The following ASB2 variants were observed in gnomAD, a reference collection of about 807,000 sequenced individuals.
ASB2 encodes ankyrin repeat and SOCS box containing 2.
A neutral mutation model predicts 62.4 loss-of-function variants in ASB2; 58 were observed. The ratio of observed to expected loss-of-function variants is 0.93; its 90% CI spans 0.75 to 1.16. The LOEUF (loss-of-function observed/expected upper bound fraction) is 1.16. ASB2 is among the 50% of genes most tolerant of loss of function. The pLI is 0.00. For synonymous variants in ASB2, 386 were observed against 385.3 expected, an observed-to-expected ratio of 1.00 and a Z score of -0.02; for missense variants, 928 against 887.9, an observed-to-expected ratio of 1.05 and a Z score of -0.57.
At chr14:93,938,998 C>A (rs1292440762) in intron 8 of ASB2, 110 bp downstream of exon 8, 1 of 991,932 alleles carries the variant, frequency 1.0e-6, no homozygotes, top group Non-Finnish European at 1.4e-6. Flanking sequence ...CTAGTCCACG[C>A]TGCTCCCAAG....
chr14:93,971,614 C>G (rs967305640), intron 1 of ASB2, among the ~76,000 whole-genome samples: 4 of 152,198 alleles, frequency 2.6e-5, no homozygotes, highest in Non-Finnish European at 5.9e-5. Context: ...CAGGTCACTA[C>G]GTCCCACTGC....
intron 6 of ASB2, 93 bp downstream of exon 6, chr14:93,950,906 A>T (rs904197327): frequency 7.2e-7 from 1 of 1,379,892 alleles, no homozygotes; most frequent in East Asian, 2.3e-5. Flanking sequence ...GCACAAGATG[A>T]CCCCTAACTC....
intron 3 of ASB2, 96 bp downstream of exon 3, chr14:93,956,670 C>T (rs1889220821): frequency 2.6e-6 from 4 of 1,538,488 alleles, no homozygotes; most frequent in South Asian, 2.2e-5. Flanking sequence ...TGCCCTCTGC[C>T]CTCCTGGGGG....
At chr14:93,975,359 C>G (rs549447262) in intron 1 of ASB2, among the ~76,000 whole-genome samples, 12 of 152,166 alleles carry the variant, frequency 7.9e-5, no homozygotes, top group African/African-American at 2.9e-4. Context: ...GAAGAGCCAC[C>G]GAAGCCAAAT....
chr14:93,968,705 G>C (rs886719274), intron 1 of ASB2, among the ~76,000 whole-genome samples: 6 of 152,322 alleles, frequency 3.9e-5, no homozygotes, highest in African/African-American at 1.4e-4. Context: ...GTTTAACCTT[G>C]ACAGGACCTT....
intron 9 of ASB2, among the ~76,000 whole-genome samples, chr14:93,936,760 AGTG>A (rs1339035435): frequency 6.6e-6 from 1 of 152,210 alleles, no homozygotes; most frequent in East Asian, 1.9e-4. Flanking sequence ...CAGGAGCAGT[AGTG>A]GTGGAATGAC....
At chr14:93,970,243 G>T (rs936311015) in intron 1 of ASB2, among the ~76,000 whole-genome samples, 2 of 152,204 alleles carry the variant, frequency 1.3e-5, no homozygotes, top group South Asian at 2.1e-4. Flanking sequence ...CAAGAAGGAG[G>T]CTGGCAGCCA....
intron 3 of ASB2, 34 bp downstream of exon 3, chr14:93,956,732 T>C: frequency 1.9e-6 from 3 of 1,612,524 alleles, no homozygotes; most frequent in Non-Finnish European, 2.5e-6. Context: ...GGAGTGAACT[T>C]GGATGGTCCT....
intron 6 of ASB2, 96 bp from the exon 7 acceptor site, chr14:93,947,616 A>C: frequency 8.3e-7 from 1 of 1,209,518 alleles, no homozygotes; most frequent in Non-Finnish European, 1.2e-6. Flanking sequence ...TGTGCTAACC[A>C]CGGTAATGCA....
In ASB2 at chr14:93,955,100, C is replaced by G. The variant is rs1471392325; in HGVS notation, c.312-617G>C. The stretch of plus-strand genomic sequence containing the variant: ...TTCCTTCCTTCATTCATTCACTGAG[C>G]TCCCTACCTCATCCTTGGAGAGTCC... On this transcript the variant is annotated intron_variant, in intron 3 of 9. Coordinates refer to ENST00000555019, the MANE Select transcript of ASB2 (RefSeq NM_001202429.2). 4 of 456,658 alleles carry G rather than the reference C, an allele frequency of 8.8e-6. No homozygotes were observed. The East Asian group carries it at 2.8e-4, about 32-fold the overall frequency. 28.3% of individuals were successfully genotyped at this position (456,658 alleles called of 1,614,324 possible). A position where few individuals can be genotyped will look rare whatever the true frequency, so the allele number is the denominator to read the frequency against.
chr14:93,957,681 C>G (rs1889274821), intron 2 of ASB2, among the ~76,000 whole-genome samples: 1 of 152,152 alleles, frequency 6.6e-6, no homozygotes, highest in South Asian at 2.1e-4. Flanking sequence ...CATGTACTCA[C>G]TCTTCATTTT....
chr14:93,948,804 C>T (rs1413227313), intron 6 of ASB2, among the ~76,000 whole-genome samples: 1 of 152,166 alleles, frequency 6.6e-6, no homozygotes, highest in Non-Finnish European at 1.5e-5. Flanking sequence ...GGCATGGTGG[C>T]ACATGCCTGT....
In ASB2 at chr14:93,939,131, C is replaced by T. The variant is rs750618389; in HGVS notation, c.1594G>A (p.Asp532Asn). Residue 532 changes from aspartate (D) to asparagine (N), a missense_variant, in exon 8 of 10, where the codon GAC becomes AAC. Coordinates refer to ENST00000555019, the MANE Select transcript of ASB2 (RefSeq NM_001202429.2). ...SSRFNDAPAA[D>N]KEPSVVQFCE... The stretch of plus-strand genomic sequence containing the variant: ...ACCTGCACCACGCTGGGCTCCTTGT[C>T]GGCCGCGGGCGCGTCGTTGAACCTG... 2 of 1,535,218 alleles carry T rather than the reference C, an allele frequency of 1.3e-6. No individual in the cohort carries two copies. The highest frequency in any genetic ancestry group is 2.4e-5 in the East Asian group (1 of 42,220).
chr14:93,941,763 G>A (rs1162732814), intron 7 of ASB2: 4 of 447,008 alleles, frequency 8.9e-6, no homozygotes, highest in African/African-American at 2.0e-5. Flanking sequence ...GCTGGTCTCC[G>A]GCAGTTCTCC....
chr14:93,934,680 G>T lies in ASB2; in HGVS notation c.1884C>A (p.Tyr628Ter). 6.2e-7 allele frequency: 1 copy of T among 1,614,150 alleles called. No homozygotes were observed. Among genetic ancestry groups the T allele is most frequent in the African/African-American group, 1.3e-5 (1 of 75,046 alleles). The change falls in exon 10 of 10, where the codon TAC (tyrosine) becomes TAA (stop). Residue 628 changes from tyrosine (Y) to a stop codon, truncating the protein, a stop_gained. Coordinates refer to ENST00000555019, the MANE Select transcript of ASB2 (RefSeq NM_001202429.2). LOFTEE classifies it high-confidence loss of function. The stretch of plus-strand genomic sequence containing the variant: ...GTTACTGGGTGTTCTCGTATTTCAG[G>T]TATCTAATCAGCCTGCCTGGGAGCG... ...TLPLPGRLIR[Y>*]LKYENTQ
At position 93,951,133 on chromosome 14, in the gene ASB2, T is replaced by C. The variant is rs77273556; in HGVS notation, c.746A>G (p.Asn249Ser). 1.3e-3 allele frequency: 2,162 copies of C among 1,614,216 alleles called. 32 individuals carry two copies. The African/African-American group carries it at 0.026, about 19-fold the overall frequency. ...WTALHESVSR[N>S]DLEVMQILVS... ...CAGGATCTGCATGACCTCCAGGTCATTGCGAGACACAGACTCGTGCAGAGC... is the reference window on the plus strand; with the variant it reads ...CAGGATCTGCATGACCTCCAGGTCACTGCGAGACACAGACTCGTGCAGAGC... Residue 249 changes from asparagine (N) to serine (S), a missense_variant, in exon 6 of 10, where the codon AAT becomes AGT. By Grantham distance (46) the Asn-to-Ser change is conservative (BLOSUM62 1). Coordinates refer to ENST00000555019, the MANE Select transcript of ASB2 (RefSeq NM_001202429.2).
rs1337923907 is a variant in ASB2 at position 93,968,624 on chromosome 14, A to G, written c.-73-4012T>C. Among the ~76,000 whole-genome samples, 5 of 152,160 alleles carry G rather than the reference A, an allele frequency of 3.3e-5. No individual in the cohort carries two copies. The South Asian group carries it at 6.2e-4, about 19-fold the overall frequency. ...AGCTGCCCAGCACCCCCTGGCCTATATCTGTGCCCTGGGCACCATACCAGC... is the reference window on the plus strand; with the variant it reads ...AGCTGCCCAGCACCCCCTGGCCTATGTCTGTGCCCTGGGCACCATACCAGC... On this transcript the variant is annotated intron_variant, in intron 1 of 9. Transcript: ENST00000555019.
intron 1 of ASB2, among the ~76,000 whole-genome samples, chr14:93,971,916 G>A (rs1595337539): frequency 1.3e-5 from 2 of 151,348 alleles, no homozygotes; most frequent in East Asian, 3.9e-4. Context: ...GTGTGTGTAT[G>A]TGTGTTCATA....
In ASB2 at chr14:93,939,154, C is replaced by T; in HGVS notation, c.1571G>A (p.Arg524Lys). ...GTCGGCCGCGGGCGCGTCGTTGAAC[C>T]TGCTGGAGGGCTGCGGGGCCGGCGG... ...PHPPAPQPSS[R>K]FNDAPAADKE... The change falls in exon 8 of 10, where the codon AGG (arginine) becomes AAG (lysine). Residue 524 changes from arginine (R) to lysine (K), a missense_variant. Physicochemically the swap from Arg to Lys is conservative, Grantham distance 26 (BLOSUM62 2). Coordinates refer to ENST00000555019, the MANE Select transcript of ASB2 (RefSeq NM_001202429.2). The T allele has an allele frequency of 6.3e-7, 1 of 1,584,198 alleles. No homozygotes were observed. Among genetic ancestry groups the T allele is most frequent in the Non-Finnish European group, 8.6e-7 (1 of 1,161,448 alleles).
Sources: gnomAD v4.1 joint callset for allele counts (sites outside exome capture counted in the v4.1 genomes callset) on GRCh38, gnomAD v4.1.1 for gene constraint, MANE v1.5 for transcripts, NCBI Gene and HGNC (gene_info 2026-07-23, HGNC 2026-07-21) for gene names.